The following EIF4G3 variants were observed in gnomAD, a reference collection of about 807,000 sequenced individuals.
EIF4G3 encodes the protein eIF-4-gamma 3.
In EIF4G3, 34 loss-of-function variants were observed where a neutral mutation model predicts 186.4. That is an observed-to-expected ratio of 0.18 (90% CI 0.14 to 0.24). EIF4G3 has a LOEUF of 0.24. Among genes scored for constraint, EIF4G3 ranks in the 10% least tolerant of loss-of-function variants. The pLI, the probability that EIF4G3 is intolerant of heterozygous loss-of-function variation, is 1.00. For synonymous variants in EIF4G3, 673 were observed against 679.5 expected (o/e 0.99, Z 0.15); for missense variants, 1,536 against 1,948.5 (o/e 0.79, Z 3.99).
chr1:20,906,726 T>A (rs774545487), intron 14 of EIF4G3, among the ~76,000 whole-genome samples: 9 of 152,058 alleles, frequency 5.9e-5, no homozygotes, highest in Non-Finnish European at 8.8e-5. Flanking sequence ...TTTAAAGTCT[T>A]GATTTAAAAC....
At chr1:20,982,074 T>A (rs1174250866) in intron 8 of EIF4G3, among the ~76,000 whole-genome samples, 4 of 152,318 alleles carry the variant, frequency 2.6e-5, no homozygotes, top group African/African-American at 7.2e-5. Flanking sequence ...TGTCACATGC[T>A]GAACTAAGCA....
chr1:21,060,325 G>A (rs2094824563), intron 3 of EIF4G3, among the ~76,000 whole-genome samples: 1 of 152,184 alleles, frequency 6.6e-6, no homozygotes, highest in South Asian at 2.1e-4. Flanking sequence ...TCCCTCCTCT[G>A]AAGAATAAGG....
At chr1:20,889,904 A>G (rs922463073) in intron 18 of EIF4G3, among the ~76,000 whole-genome samples, 8 of 152,192 alleles carry the variant, frequency 5.3e-5, no homozygotes, top group Non-Finnish European at 8.8e-5. Context: ...GTAGCTGCAT[A>G]TGACATTTTA....
chr1:20,996,475 T>C (rs2082306528), intron 7 of EIF4G3, among the ~76,000 whole-genome samples: 1 of 152,206 alleles, frequency 6.6e-6, no homozygotes, highest in Non-Finnish European at 1.5e-5. Flanking sequence ...ATAACTCAGA[T>C]TTGCTTTGCC....
intron 2 of EIF4G3, among the ~76,000 whole-genome samples, chr1:21,163,408 T>C (rs1263376022): frequency 2.0e-5 from 3 of 152,208 alleles, no homozygotes; most frequent in Non-Finnish European, 4.4e-5. Flanking sequence ...CTGACTACAT[T>C]AGCCTCAAAG....
chr1:20,981,518 T>C (rs1558548698), intron 8 of EIF4G3, among the ~76,000 whole-genome samples: 12 of 64,672 alleles, frequency 1.9e-4, no homozygotes, highest in Non-Finnish European at 3.7e-5. Context: ...ACTGTATATA[T>C]ACATACATAC....
chr1:21,052,834 C>T (rs574760181), intron 3 of EIF4G3, among the ~76,000 whole-genome samples: 225 of 151,936 alleles, frequency 1.5e-3, no homozygotes, highest in Middle Eastern at 3.4e-3. Flanking sequence ...CCGCCAGCCT[C>T]GGCCTCCCGA....
chr1:21,024,168 G>T, intron 4 of EIF4G3, among the ~76,000 whole-genome samples: 1 of 70,718 alleles, frequency 1.4e-5, no homozygotes, highest in Non-Finnish European at 4.2e-5. Context: ...GAGGGAGGTG[G>T]GGGGGGGTCA....
At chr1:20,820,064 C>CTACT (rs938821057) in intron 33 of EIF4G3, among the ~76,000 whole-genome samples, 2 of 151,594 alleles carry the variant, frequency 1.3e-5, no homozygotes. Flanking sequence ...GCTGCCTGTG[C>CTACT]TACTGCAGCC....
chr1:21,122,776 C>T (rs9426728), intron 2 of EIF4G3, among the ~76,000 whole-genome samples: 4,945 of 152,232 alleles, frequency 0.032, 272 homozygotes, highest in African/African-American at 0.11. Context: ...TTTAACATAT[C>T]GGCTGGGGTC....
rs184428731 is a variant in EIF4G3, at chr1:20,869,767, T to C, written c.2623-4505A>G. ...TCTAGCCTGGGTGAAAGAGCAAGAC[T>C]ACGTCTCAAAAAAAAAAAAAAAAAA... On this transcript the variant is annotated intron_variant, in intron 20 of 36. Coordinates refer to ENST00000602326, the MANE Select transcript of EIF4G3 (RefSeq NM_001391906.1). 1.4e-4 allele frequency among the ~76,000 whole-genome samples: 14 copies of C among 96,778 alleles called. No individual in the cohort carries two copies. The East Asian group carries it at 4.4e-3, about 30-fold the overall frequency. The allele number at this position is 96,778 out of a possible 152,430, so 63.5% of individuals were successfully genotyped here.
chr1:21,004,994 C>G (rs994439844), intron 4 of EIF4G3, among the ~76,000 whole-genome samples: 1 of 151,996 alleles, frequency 6.6e-6, no homozygotes, highest in Non-Finnish European at 1.5e-5. Flanking sequence ...AGCAAAGTAT[C>G]TCATGTCTAT....
intron 13 of EIF4G3, among the ~76,000 whole-genome samples, chr1:20,946,986 A>G (rs1452835952): frequency 6.6e-6 from 1 of 152,196 alleles, no homozygotes; most frequent in African/African-American, 2.4e-5. Flanking sequence ...GGAGTAATAT[A>G]ACAATCTTTG....
intron 2 of EIF4G3, among the ~76,000 whole-genome samples, chr1:21,104,328 A>T (rs1003760285): frequency 4.2e-4 from 64 of 152,228 alleles, no homozygotes; most frequent in Admixed American, 4.2e-3. Context: ...TGTGGCACTT[A>T]CATTCTATTG....
chr1:20,904,505 G>C (rs1490463051), intron 15 of EIF4G3, among the ~76,000 whole-genome samples: 2 of 152,052 alleles, frequency 1.3e-5, no homozygotes, highest in Non-Finnish European at 2.9e-5. Flanking sequence ...GCCACCATGT[G>C]TGGCTAGTAT....
chr1:21,081,584 A>G (rs2095788696), intron 3 of EIF4G3, among the ~76,000 whole-genome samples: 1 of 151,940 alleles, frequency 6.6e-6, no homozygotes, highest in African/African-American at 2.4e-5. Flanking sequence ...ATAAACAAAT[A>G]CAAAATAACT....
chr1:21,050,884 C>A lies in EIF4G3; in HGVS notation c.-85G>T, dbSNP rs950929186. ...ATCTTACTTGAGAGAGTCCAGGGGA[C>A]GATGCATGTCCCGGGGGCGTTGCCG... On this transcript the variant is annotated 5_prime_UTR_variant, in exon 4 of 37. Transcript: ENST00000602326. The A allele has an allele frequency of 1.4e-6, 1 of 709,856 alleles. No individual in the cohort carries two copies. Among genetic ancestry groups the A allele is most frequent in the Non-Finnish European group, 2.6e-6 (1 of 383,106 alleles). The allele number at this position is 709,856 out of a possible 1,614,324, so 44.0% of individuals were successfully genotyped here. A position where few individuals can be genotyped will look rare whatever the true frequency, so the allele number is the denominator to read the frequency against.
At chr1:21,098,333 G>C (rs1244651269) in intron 2 of EIF4G3, among the ~76,000 whole-genome samples, 1 of 151,922 alleles carries the variant, frequency 6.6e-6, no homozygotes, top group African/African-American at 2.4e-5. Context: ...CTTGAGTCCA[G>C]GAGTTCAGGA....
intron 7 of EIF4G3, among the ~76,000 whole-genome samples, chr1:20,982,715 T>C (rs2078558455): frequency 6.6e-6 from 1 of 152,202 alleles, no homozygotes; most frequent in South Asian, 2.1e-4. Context: ...GTGGCACAAG[T>C]ACAGTTGTGA....
Sources: allele counts gnomAD v4.1 joint callset (sites outside exome capture counted in the v4.1 genomes callset), GRCh38; gene constraint gnomAD v4.1.1; transcripts MANE v1.5; gene names NCBI Gene and HGNC (gene_info 2026-07-23, HGNC 2026-07-21).